The following PICALM variants were observed in gnomAD, a reference collection of about 807,000 sequenced individuals.
PICALM encodes phosphatidylinositol binding clathrin assembly protein.
In PICALM, 40 loss-of-function variants were observed where a neutral mutation model predicts 80.5. The observed-to-expected ratio is 0.50, with a 90% CI of 0.39 to 0.65. The LOEUF (loss-of-function observed/expected upper bound fraction) is 0.65. Among genes scored for constraint, PICALM ranks in the 30% least tolerant of loss-of-function variants. The pLI, the probability that PICALM is intolerant of heterozygous loss-of-function variation, is 0.00. For missense variants in PICALM, 676 were observed against 778.9 expected (o/e 0.87, Z 1.57); for synonymous variants, 288 against 260.3 (o/e 1.11, Z -1.02).
At chr11:86,052,538 G>A (rs1311310398) in intron 1 of PICALM, among the ~76,000 whole-genome samples, 1 of 152,080 alleles carries the variant, frequency 6.6e-6, no homozygotes, top group East Asian at 1.9e-4. Flanking sequence ...CTAGAGACTC[G>A]GAAATCCCCA....
chr11:85,996,538 A>G (rs930426141), intron 12 of PICALM, among the ~76,000 whole-genome samples: 2 of 152,194 alleles, frequency 1.3e-5, no homozygotes, highest in African/African-American at 4.8e-5. Context: ...TGGAATAAAA[A>G]TTCAACATTA....
chr11:86,024,233 G>A (rs1031429885), intron 3 of PICALM, among the ~76,000 whole-genome samples: 3 of 151,424 alleles, frequency 2.0e-5, no homozygotes, highest in African/African-American at 7.3e-5. Flanking sequence ...CCTTAAGTTA[G>A]AGCGCCGTAA....
chr11:86,040,401 T>C (rs1050181050), intron 1 of PICALM, among the ~76,000 whole-genome samples: 17 of 151,772 alleles, frequency 1.1e-4, no homozygotes, highest in African/African-American at 4.1e-4. Flanking sequence ...GGTCTCCCCC[T>C]CTGTTGCCCA....
intron 17 of PICALM, chr11:85,978,117 T>C: frequency 2.5e-6 from 4 of 1,602,184 alleles, no homozygotes; most frequent in Non-Finnish European, 3.4e-6. Context: ...GGAGAACAAT[T>C]ACATAATGCA....
chr11:85,987,746 T>C (rs749362285), intron 13 of PICALM, among the ~76,000 whole-genome samples: 1 of 152,214 alleles, frequency 6.6e-6, no homozygotes. Flanking sequence ...GCTGGAATTA[T>C]GGGTACCAGC....
chr11:86,013,198 C>T (rs540517441), intron 5 of PICALM, among the ~76,000 whole-genome samples: 10 of 152,022 alleles, frequency 6.6e-5, no homozygotes, highest in Non-Finnish European at 1.2e-4. Flanking sequence ...CCCTGTAGTC[C>T]CAGCTACTCA....
At chr11:85,974,856 CT>C (rs767572281) in intron 18 of PICALM, 44 bp from the exon 19 acceptor site, 7 of 1,248,298 alleles carry the variant, frequency 5.6e-6, no homozygotes, top group Non-Finnish European at 8.3e-6. Flanking sequence ...TCCTATCTTC[CT>C]TATTGTGACT....
intron 1 of PICALM, among the ~76,000 whole-genome samples, chr11:86,036,853 G>C (rs1293198887): frequency 6.7e-6 from 1 of 150,320 alleles, no homozygotes; most frequent in African/African-American, 2.5e-5. Flanking sequence ...TGTAATCCCA[G>C]TGCTTTGGAA....
At chr11:86,040,022 A>T (rs577618179) in intron 1 of PICALM, among the ~76,000 whole-genome samples, 1 of 151,296 alleles carries the variant, frequency 6.6e-6, no homozygotes, top group South Asian at 2.1e-4. Context: ...AAAAAAAAAA[A>T]AAAAAGGCAA....
chr11:86,022,142 T>C (rs1384006248), intron 4 of PICALM, among the ~76,000 whole-genome samples: 2 of 152,308 alleles, frequency 1.3e-5, no homozygotes, highest in East Asian at 1.9e-4. Flanking sequence ...TTACACACTT[T>C]AAAATGATAA....
chr11:86,002,278 T>C (rs966284820), intron 9 of PICALM, among the ~76,000 whole-genome samples: 3 of 152,150 alleles, frequency 2.0e-5, no homozygotes, highest in Non-Finnish European at 2.9e-5. Context: ...AATAACGGCA[T>C]TTCCCTTTGG....
intron 3 of PICALM, chr11:86,023,514 T>C (rs2095600948): frequency 1.0e-6 from 1 of 984,618 alleles, no homozygotes; most frequent in Non-Finnish European, 1.2e-6. Flanking sequence ...GGTAAACACC[T>C]CTCATCCTTC....
intron 3 of PICALM, among the ~76,000 whole-genome samples, chr11:86,024,009 G>T (rs1055999084): frequency 3.3e-5 from 5 of 152,012 alleles, no homozygotes; most frequent in Non-Finnish European, 7.4e-5. Context: ...GTGCACATCT[G>T]TAATCCCAGC....
At chr11:86,016,750 C>T (rs1194475487) in intron 4 of PICALM, among the ~76,000 whole-genome samples, 1 of 152,154 alleles carries the variant, frequency 6.6e-6, no homozygotes, top group African/African-American at 2.4e-5. Flanking sequence ...TCCTCTTAGC[C>T]GTCTCTAATA....
intron 1 of PICALM, among the ~76,000 whole-genome samples, chr11:86,047,025 T>C (rs1247695457): frequency 1.3e-5 from 2 of 152,242 alleles, no homozygotes; most frequent in Non-Finnish European, 2.9e-5. Context: ...GAATGCTCTA[T>C]TATAATATCT....
At chr11:85,969,007 G>A (rs1217087352) in intron 19 of PICALM, among the ~76,000 whole-genome samples, 1 of 146,436 alleles carries the variant, frequency 6.8e-6, no homozygotes, top group Non-Finnish European at 1.5e-5. Context: ...CGGAGAAAAG[G>A]GTATGTGTAT....
chr11:86,056,624 A>G (rs944740668), intron 1 of PICALM, among the ~76,000 whole-genome samples: 3 of 152,192 alleles, frequency 2.0e-5, no homozygotes, highest in Non-Finnish European at 4.4e-5. Context: ...GTAGTTCCTC[A>G]AAAAGTTACA....
chr11:85,970,510 G>C lies in PICALM; in HGVS notation c.1944+4198C>G, dbSNP rs144990206. ...GCTGAGAAAAGGCTTTAAATGTTCA[G>C]TTATATTTAGATTCACCTCCTTAGG... On this transcript the variant is annotated intron_variant, in intron 19 of 19. Transcript: ENST00000393346. Among the ~76,000 whole-genome samples the C allele has an allele frequency of 5.3e-4, 80 of 152,350 alleles. 2 individuals are homozygous for C. In the East Asian group the frequency reaches 0.011, roughly 22 times the overall value.
At position 86,068,959 on chromosome 11, in the gene PICALM, G is replaced by T; in HGVS notation, c.-179C>A. The stretch of plus-strand genomic sequence containing the variant: ...CCACCAGTCCAGAGAGAACCGGCTC[G>T]TGTCACCCGCGGAGTCGGACAAGAT... On this transcript the variant is annotated 5_prime_UTR_variant, in exon 1 of 20. Transcript: ENST00000393346. 2.7e-6 allele frequency: 2 copies of T among 743,986 alleles called. No homozygotes were observed. Among genetic ancestry groups the T allele is most frequent in the East Asian group, 2.9e-5 (1 of 34,188 alleles). 46.1% of individuals were successfully genotyped at this position (743,986 alleles called of 1,614,324 possible). A position where few individuals can be genotyped will look rare whatever the true frequency, so the allele number is the denominator to read the frequency against.
Sources: gnomAD v4.1 joint callset for allele counts (sites outside exome capture counted in the v4.1 genomes callset) on GRCh38, gnomAD v4.1.1 for gene constraint, MANE v1.5 for transcripts, NCBI Gene and HGNC (gene_info 2026-07-23, HGNC 2026-07-21) for gene names.